The following GYPB variants were observed in gnomAD, a reference collection of about 807,000 sequenced individuals.
GYPB encodes the protein glycophorin B (MNS blood group).
GYPB carries 13 observed loss-of-function variants against 15.3 expected under a neutral mutation model. That is an observed-to-expected ratio of 0.85 (90% confidence interval 0.55 to 1.35). GYPB has a LOEUF of 1.35. GYPB is among the 40% of genes most tolerant of loss of function. The probability of loss-of-function intolerance (pLI) is 0.00; values close to 1 mark genes in which losing one functional copy is unlikely to be tolerated. For synonymous variants in GYPB, 38 were observed against 36.9 expected (o/e 1.03, Z -0.11); for missense variants, 131 against 108.3 (o/e 1.21, Z -0.93).
chr4:144,012,899 AT>A (rs1175217565), intron 1 of GYPB: 1 of 151,682 alleles, frequency 6.6e-6, no homozygotes, highest in African/African-American at 2.4e-5. Context: ...AAATTTGGCA[AT>A]TATTTTTAGA....
intron 3 of GYPB, 90 bp from the exon 4 acceptor site, chr4:143,997,724 C>T: frequency 1.3e-6 from 1 of 742,290 alleles, no homozygotes; most frequent in South Asian, 1.4e-5. Flanking sequence ...ATAACATCAC[C>T]TTGCCTTTTA....
At chr4:144,013,318 G>A (rs867573026) in intron 1 of GYPB, among the ~76,000 whole-genome samples, 2,008 of 151,036 alleles carry the variant, frequency 0.013, 145 homozygotes, top group African/African-American at 0.047. Flanking sequence ...TACACTGTTG[G>A]TGGGACTGTA....
At chr4:144,004,803 C>G (rs1456329187) in intron 1 of GYPB, among the ~76,000 whole-genome samples, 1 of 151,878 alleles carries the variant, frequency 6.6e-6, no homozygotes, top group African/African-American at 2.4e-5. Flanking sequence ...CCCTAACCAG[C>G]TAATAGACAT....
chr4:144,011,642 T>C (rs1354774032), intron 1 of GYPB, among the ~76,000 whole-genome samples: 1 of 151,136 alleles, frequency 6.6e-6, no homozygotes, highest in Non-Finnish European at 1.5e-5. Flanking sequence ...TTGTGATAGA[T>C]CAAGAAAGCA....
chr4:144,017,494 A>G lies in GYPB; in HGVS notation c.37+1757T>C, dbSNP rs911028249. ...TCCTTGGAGGGTTTCTGCTACGAAG[A>G]TGATAACAGCTTGGGTACTGGAGAC... On this transcript the variant is annotated intron_variant, in intron 1 of 4. Transcript: ENST00000502664. 2.0e-5 allele frequency among the ~76,000 whole-genome samples: 3 copies of G among 151,256 alleles called. 1 individual carries two copies. Among genetic ancestry groups the G allele is most frequent in the African/African-American group, 4.9e-5 (2 of 40,604 alleles).
chr4:143,996,615 C>T (rs1367143790), intron 4 of GYPB, among the ~76,000 whole-genome samples: 1 of 150,468 alleles, frequency 6.6e-6, no homozygotes, highest in Non-Finnish European at 1.5e-5. Flanking sequence ...TAAAAAAATA[C>T]AAAAATTAGT....
intron 2 of GYPB, chr4:144,000,408 A>T (rs1727561451): frequency 1.8e-6 from 2 of 1,128,058 alleles, no homozygotes; most frequent in African/African-American, 1.7e-5. Flanking sequence ...GAGGGGAAAC[A>T]GTTGTAACAG....
intron 1 of GYPB, among the ~76,000 whole-genome samples, chr4:144,006,079 A>G (rs1727900664): frequency 6.6e-6 from 1 of 151,792 alleles, no homozygotes; most frequent in Non-Finnish European, 1.5e-5. Context: ...TGAGGCCTCA[A>G]ACTCCTACTT....
At chr4:144,005,300 T>G (rs1182517507) in intron 1 of GYPB, among the ~76,000 whole-genome samples, 2 of 151,978 alleles carry the variant, frequency 1.3e-5, no homozygotes, top group East Asian at 3.8e-4. Flanking sequence ...TAGTCTCACC[T>G]TCCAGATCTC....
chr4:144,002,059 G>A (rs1477668671), intron 1 of GYPB, among the ~76,000 whole-genome samples: 3 of 148,376 alleles, frequency 2.0e-5, no homozygotes, highest in South Asian at 2.1e-4. Flanking sequence ...TAAATAAATT[G>A]TGAATTATTT....
intron 1 of GYPB, among the ~76,000 whole-genome samples, chr4:144,016,508 A>G (rs1294378388): frequency 6.6e-6 from 1 of 150,440 alleles, no homozygotes; most frequent in Non-Finnish European, 1.5e-5. Context: ...ATATGCTACT[A>G]TAAATACCAA....
chr4:144,009,377 A>T, intron 1 of GYPB, among the ~76,000 whole-genome samples: 1 of 151,016 alleles, frequency 6.6e-6, no homozygotes, highest in East Asian at 1.9e-4. Context: ...AAAGGGAGAG[A>T]GAGTAACTAC....
chr4:144,002,643 C>T lies in GYPB; in HGVS notation c.38-1360G>A, dbSNP rs1439078122. On this transcript the variant is annotated intron_variant, in intron 1 of 4. Coordinates refer to ENST00000502664, the MANE Select transcript of GYPB (RefSeq NM_002100.6). ...GTGCAGTGGAGTGGAGGTGGAAGGGCTTCTTCTCAGAGGCAGCCAACTTGG... is the reference window on the plus strand; with the variant it reads ...GTGCAGTGGAGTGGAGGTGGAAGGGTTTCTTCTCAGAGGCAGCCAACTTGG... 3 of 1,286,316 alleles carry T rather than the reference C, an allele frequency of 2.3e-6. 1 individual carries two copies. In the African/African-American group the frequency reaches 4.6e-5, roughly 20 times the overall value. 79.7% of individuals were successfully genotyped at this position (1,286,316 alleles called of 1,614,324 possible).
At chr4:144,007,748 C>A (rs1047451570) in intron 1 of GYPB, among the ~76,000 whole-genome samples, 15 of 151,520 alleles carry the variant, frequency 9.9e-5, no homozygotes, top group South Asian at 2.1e-4. Context: ...CCTCAGTTTT[C>A]TGGCCTCTAA....
intron 1 of GYPB, among the ~76,000 whole-genome samples, chr4:144,009,601 C>CTTTTTTTTTTTTTTT: frequency 1.7e-5 from 1 of 57,782 alleles, no homozygotes; most frequent in Non-Finnish European, 2.8e-5. Flanking sequence ...TTTTTTCTTT[C>CTTTTTTTTTTTTTTT]TTTTTTTTTT....
At chr4:144,011,823 A>G (rs2149967181) in intron 1 of GYPB, among the ~76,000 whole-genome samples, 1 of 151,462 alleles carries the variant, frequency 6.6e-6, no homozygotes, top group South Asian at 2.1e-4. Flanking sequence ...AATGTTTTTG[A>G]AGTCTGAATC....
At chr4:144,000,392 T>A in intron 2 of GYPB, 2 of 1,041,464 alleles carry the variant, frequency 1.9e-6, no homozygotes, top group Non-Finnish European at 2.5e-6. Flanking sequence ...ACGTTTTTCT[T>A]TTCTGGAGGG....
At chr4:144,002,092 C>T (rs571576620) in intron 1 of GYPB, among the ~76,000 whole-genome samples, 1 of 149,196 alleles carries the variant, frequency 6.7e-6, no homozygotes, top group Admixed American at 6.7e-5. Context: ...ACTTTTTATT[C>T]TTAAATGCAA....
At chr4:144,007,484 A>C (rs1273084292) in intron 1 of GYPB, among the ~76,000 whole-genome samples, 1 of 150,898 alleles carries the variant, frequency 6.6e-6, no homozygotes, top group Non-Finnish European at 1.5e-5. Context: ...GGAAGCCTGA[A>C]CTTTTTATCC....
Sources: allele counts gnomAD v4.1 joint callset (sites outside exome capture counted in the v4.1 genomes callset), GRCh38; gene constraint gnomAD v4.1.1; transcripts MANE v1.5; gene names NCBI Gene and HGNC (gene_info 2026-07-23, HGNC 2026-07-21).